The following PHACTR3 variants were observed in gnomAD, a reference collection of about 807,000 sequenced individuals.
The protein encoded by PHACTR3 is protein phosphatase 1, regulatory subunit 123.
A neutral mutation model predicts 66.8 loss-of-function variants in PHACTR3; 16 were observed. The observed-to-expected ratio is 0.24, with a 90% CI of 0.16 to 0.36. PHACTR3 has a LOEUF of 0.36. Among genes scored for constraint, PHACTR3 ranks in the 10% least tolerant of loss-of-function variants. PHACTR3 has a pLI of 1.00. For synonymous variants in PHACTR3, 323 were observed against 292.1 expected (o/e 1.11, Z -1.08); for missense variants, 647 against 719.9 (o/e 0.90, Z 1.16).
intron 8 of PHACTR3, among the ~76,000 whole-genome samples, chr20:59,809,357 C>T (rs2041667087): frequency 1.3e-5 from 2 of 152,162 alleles, no homozygotes; most frequent in Admixed American, 6.5e-5. Flanking sequence ...GTGGTGTCGT[C>T]ATCCCAGGCT....
chr20:59,691,177 G>A (rs1440475663), intron 1 of PHACTR3, among the ~76,000 whole-genome samples: 1 of 152,220 alleles, frequency 6.6e-6, no homozygotes, highest in African/African-American at 2.4e-5. Flanking sequence ...CATCAGTCAC[G>A]TTTGTAGCTT....
intron 8 of PHACTR3, among the ~76,000 whole-genome samples, chr20:59,807,527 CTAAAA>C (rs1210014524): frequency 2.6e-5 from 4 of 152,166 alleles, no homozygotes; most frequent in African/African-American, 4.8e-5. Flanking sequence ...GGAGTACACT[CTAAAA>C]TAATCATTAA....
chr20:59,636,251 G>C (rs765768049), intron 1 of PHACTR3, among the ~76,000 whole-genome samples: 23 of 152,150 alleles, frequency 1.5e-4, no homozygotes, highest in Non-Finnish European at 2.2e-4. Context: ...CTGAGTCTTT[G>C]GACAGTTTAA....
intron 1 of PHACTR3, among the ~76,000 whole-genome samples, chr20:59,605,677 A>G (rs1338960815): frequency 6.6e-6 from 1 of 152,174 alleles, no homozygotes; most frequent in African/African-American, 2.4e-5. Flanking sequence ...GCCGGCAGGG[A>G]GACGAAGGGC....
At chr20:59,724,034 C>T (rs78624401) in intron 1 of PHACTR3, among the ~76,000 whole-genome samples, 2,318 of 152,246 alleles carry the variant, frequency 0.015, 41 homozygotes, top group Non-Finnish European at 0.024. Context: ...TTTTATTGAG[C>T]CTGAACACCT....
chr20:59,685,485 G>A (rs2036830833), intron 1 of PHACTR3, among the ~76,000 whole-genome samples: 2 of 152,186 alleles, frequency 1.3e-5, no homozygotes, highest in African/African-American at 4.8e-5. Context: ...GTCTGGTAGG[G>A]TTGTTCTGAA....
At chr20:59,778,610 C>G (rs1249340816) in intron 7 of PHACTR3, among the ~76,000 whole-genome samples, 1 of 152,246 alleles carries the variant, frequency 6.6e-6, no homozygotes, top group Admixed American at 6.5e-5. Context: ...TCTACCAGCA[C>G]ATGGGCTCCG....
chr20:59,743,720 C>G (rs1022999129), intron 2 of PHACTR3, among the ~76,000 whole-genome samples: 1 of 152,330 alleles, frequency 6.6e-6, no homozygotes, highest in Middle Eastern at 3.4e-3. Flanking sequence ...GGGCCTGGGT[C>G]GTACCCCCAC....
chr20:59,623,404 A>G (rs1365454659), intron 1 of PHACTR3, among the ~76,000 whole-genome samples: 5 of 152,326 alleles, frequency 3.3e-5, no homozygotes, highest in African/African-American at 1.2e-4. Flanking sequence ...CATTCCTGTT[A>G]CATGTATGTA....
intron 8 of PHACTR3, among the ~76,000 whole-genome samples, chr20:59,807,868 C>T (rs1375054566): frequency 1.3e-5 from 2 of 152,194 alleles, no homozygotes; most frequent in East Asian, 1.9e-4. Context: ...TCCACATACG[C>T]ATCATTTTCT....
intron 12 of PHACTR3, 81 bp downstream of exon 12, chr20:59,845,346 G>A: frequency 1.1e-6 from 1 of 876,070 alleles, no homozygotes; most frequent in Non-Finnish European, 1.9e-6. Flanking sequence ...CACAAACCAT[G>A]TATCCAGCTA....
chr20:59,781,416 A>T (rs1329710093), intron 7 of PHACTR3, among the ~76,000 whole-genome samples: 3 of 152,170 alleles, frequency 2.0e-5, no homozygotes, highest in Admixed American at 1.3e-4. Flanking sequence ...GCCCATTGGG[A>T]TGACCCTGGG....
At chr20:59,644,652 A>G (rs544438822) in intron 1 of PHACTR3, among the ~76,000 whole-genome samples, 2 of 152,302 alleles carry the variant, frequency 1.3e-5, no homozygotes, top group East Asian at 3.9e-4. Flanking sequence ...TGGCCAGAGC[A>G]CTTCCAGCAT....
chr20:59,618,903 C>G (rs1411255273), intron 1 of PHACTR3, among the ~76,000 whole-genome samples: 1 of 152,162 alleles, frequency 6.6e-6, no homozygotes, highest in Non-Finnish European at 1.5e-5. Flanking sequence ...GCAGGATACT[C>G]GGAGAGATTG....
At chr20:59,609,671 G>A (rs1002875446) in intron 1 of PHACTR3, among the ~76,000 whole-genome samples, 1 of 152,170 alleles carries the variant, frequency 6.6e-6, no homozygotes, top group South Asian at 2.1e-4. Context: ...CGTGGGAGAG[G>A]GCGGAGGCAA....
intron 8 of PHACTR3, among the ~76,000 whole-genome samples, chr20:59,813,159 C>T (rs182382618): frequency 9.8e-5 from 15 of 152,292 alleles, no homozygotes; most frequent in East Asian, 1.9e-4. Flanking sequence ...GTTCTGTGCT[C>T]GGTATGGTGT....
intron 1 of PHACTR3, among the ~76,000 whole-genome samples, chr20:59,717,736 A>G (rs1258085638): frequency 6.6e-6 from 1 of 152,216 alleles, no homozygotes; most frequent in Non-Finnish European, 1.5e-5. Flanking sequence ...AACAAAAATG[A>G]CTTTGCTATA....
chr20:59,782,801 G>T (rs555975220), intron 7 of PHACTR3, among the ~76,000 whole-genome samples: 1 of 152,126 alleles, frequency 6.6e-6, no homozygotes, highest in Non-Finnish European at 1.5e-5. Context: ...ATGAGATTTG[G>T]GTGGGGACAC....
intron 7 of PHACTR3, among the ~76,000 whole-genome samples, chr20:59,802,216 G>A (rs143038756): frequency 5.3e-5 from 8 of 152,236 alleles, no homozygotes; most frequent in South Asian, 2.1e-4. Flanking sequence ...GGTGTCTGGA[G>A]ATGGAAATCT....
Sources: gnomAD v4.1 joint callset for allele counts (sites outside exome capture counted in the v4.1 genomes callset) on GRCh38, gnomAD v4.1.1 for gene constraint, MANE v1.5 for transcripts, NCBI Gene and HGNC (gene_info 2026-07-23, HGNC 2026-07-21) for gene names.